The following STARD13 variants were observed in gnomAD, a reference collection of about 807,000 sequenced individuals.
STARD13 encodes the protein stAR-related lipid transfer protein 13.
Under a neutral mutation model 106.4 loss-of-function variants are expected in STARD13, and 62 were observed. That is an observed-to-expected ratio of 0.58 (90% CI 0.48 to 0.72). The LOEUF (loss-of-function observed/expected upper bound fraction) is 0.72. Among genes scored for constraint, STARD13 ranks in the 30% least tolerant of loss-of-function variants. STARD13 has a pLI of 0.00. For missense variants in STARD13, 1,387 were observed against 1,424.0 expected, an observed-to-expected ratio of 0.97 and a Z score of 0.42; for synonymous variants, 565 against 553.0, an observed-to-expected ratio of 1.02 and a Z score of -0.31.
the STARD13 span, among the ~76,000 whole-genome samples, chr13:33,526,298 T>A: frequency 1.3e-5 from 2 of 152,116 alleles, no homozygotes; most frequent in Admixed American, 1.3e-4. Context: ...GCCATATTCA[T>A]TTATGCCCTG....
At chr13:33,465,691 C>T in the STARD13 span, among the ~76,000 whole-genome samples, 1 of 152,050 alleles carries the variant, frequency 6.6e-6, no homozygotes, top group South Asian at 2.1e-4. Flanking sequence ...ACTGGCTTAC[C>T]TAGAAAAATG....
At chr13:33,147,301 C>T (rs768932552) in intron 3 of STARD13, among the ~76,000 whole-genome samples, 2 of 152,122 alleles carry the variant, frequency 1.3e-5, no homozygotes, top group African/African-American at 2.4e-5. Context: ...TGTGTATACC[C>T]AGGAAAGACC....
the STARD13 span, among the ~76,000 whole-genome samples, chr13:33,590,305 C>A: frequency 6.6e-6 from 1 of 152,114 alleles, no homozygotes; most frequent in East Asian, 1.9e-4. Flanking sequence ...TCCTCAAGGA[C>A]CTAGAACTAG....
the STARD13 span, among the ~76,000 whole-genome samples, chr13:33,364,781 C>T: frequency 1.4e-4 from 22 of 152,036 alleles, no homozygotes; most frequent in African/African-American, 5.1e-4. Flanking sequence ...CCCAGCTACT[C>T]GGGAGGCTGA....
chr13:33,160,186 G>A (rs1328654283), intron 3 of STARD13, among the ~76,000 whole-genome samples: 2 of 152,088 alleles, frequency 1.3e-5, no homozygotes, highest in African/African-American at 4.8e-5. Context: ...ATGGTCAAAG[G>A]TAATTCAGTA....
At chr13:33,588,845 G>T in the STARD13 span, among the ~76,000 whole-genome samples, 1 of 151,694 alleles carries the variant, frequency 6.6e-6, no homozygotes, top group Non-Finnish European at 1.5e-5. Context: ...CTACTTATTC[G>T]CCCCCTCACT....
the STARD13 span, among the ~76,000 whole-genome samples, chr13:33,600,224 G>A: frequency 1.3e-5 from 2 of 152,168 alleles, no homozygotes; most frequent in Admixed American, 1.3e-4. Context: ...AAACAGAATA[G>A]GGAGAATACT....
upstream of STARD13, chr13:33,285,857 G>T (rs897528092): frequency 5.4e-6 from 6 of 1,119,328 alleles, no homozygotes; most frequent in South Asian, 3.9e-5. Context: ...AAATGGGAAC[G>T]TTTGCAGTCA....
chr13:33,465,307 G>A, the STARD13 span, among the ~76,000 whole-genome samples: 2 of 147,014 alleles, frequency 1.4e-5, no homozygotes, highest in African/African-American at 2.5e-5. Flanking sequence ...CCGGGTTCAC[G>A]CCATTCTCCT....
chr13:33,593,907 T>G, the STARD13 span, among the ~76,000 whole-genome samples: 1 of 151,818 alleles, frequency 6.6e-6, no homozygotes, highest in African/African-American at 2.4e-5. Context: ...TCTGTTTTTG[T>G]TTTTGTTTTC....
chr13:33,462,945 G>A, the STARD13 span, among the ~76,000 whole-genome samples: 9 of 152,240 alleles, frequency 5.9e-5, no homozygotes, highest in African/African-American at 1.9e-4. Flanking sequence ...AATATCAACC[G>A]CCACAATATT....
the STARD13 span, among the ~76,000 whole-genome samples, chr13:33,620,165 C>T: frequency 6.6e-6 from 1 of 152,104 alleles, no homozygotes; most frequent in Non-Finnish European, 1.5e-5. Flanking sequence ...GACAAATAGA[C>T]ACAAACACAA....
intron 1 of STARD13, among the ~76,000 whole-genome samples, chr13:33,294,752 C>T (rs916782991): frequency 1.1e-4 from 17 of 152,060 alleles, no homozygotes; most frequent in African/African-American, 4.1e-4. Flanking sequence ...AGAGGATTAC[C>T]TTCATTTACT....
the STARD13 span, among the ~76,000 whole-genome samples, chr13:33,576,072 G>T: frequency 6.6e-6 from 1 of 152,162 alleles, no homozygotes; most frequent in African/African-American, 2.4e-5. Flanking sequence ...CTCAGAGGGA[G>T]CTTTATAGGG....
chr13:33,378,262 C>T, the STARD13 span, among the ~76,000 whole-genome samples: 1 of 152,156 alleles, frequency 6.6e-6, no homozygotes, highest in Non-Finnish European at 1.5e-5. Context: ...CTCCCAAGGC[C>T]AGGCTGAACG....
chr13:33,578,361 A>C, the STARD13 span, among the ~76,000 whole-genome samples: 27 of 152,046 alleles, frequency 1.8e-4, no homozygotes, highest in Non-Finnish European at 2.9e-4. Context: ...TACCCAGCTG[A>C]TCTTTGACAA....
intron 1 of STARD13, among the ~76,000 whole-genome samples, chr13:33,261,968 C>T (rs553319100): frequency 3.9e-5 from 6 of 152,238 alleles, no homozygotes; most frequent in Admixed American, 6.5e-5. Context: ...CTCGGGCCCA[C>T]GAGCAGTGAG....
Position 33,129,708 on chromosome 13 carries a change from G to C in STARD13, c.969C>G (p.Leu323=). The C allele has an allele frequency of 1.2e-6, 2 of 1,614,110 alleles. No homozygotes were observed. Among genetic ancestry groups the C allele is most frequent in the Non-Finnish European group, 1.7e-6 (2 of 1,180,038 alleles). The change falls in exon 5 of 14, where the codon CTC becomes CTG. Residue 323 remains leucine (L), a synonymous_variant. Transcript: ENST00000336934. ...CGCCACTCGACTTGCCAGAGCATGG[G>C]AGCCCTTTTCTGCAGGCAGGTGGCG... ...NSPPPACRKG[L]PCSGKSSGES... is the part of the protein sequence containing the mutation.
chr13:33,343,898 A>G (rs2138603656), downstream of STARD13, among the ~76,000 whole-genome samples: 1 of 152,172 alleles, frequency 6.6e-6, no homozygotes, highest in East Asian at 1.9e-4. Context: ...CACTTCTGAC[A>G]TCCACTCTTA....
Sources: gnomAD v4.1 joint callset for allele counts (sites outside exome capture counted in the v4.1 genomes callset) on GRCh38, gnomAD v4.1.1 for gene constraint, MANE v1.5 for transcripts, NCBI Gene and HGNC (gene_info 2026-07-23, HGNC 2026-07-21) for gene names.